Variants in ASPHD2 observed in about 807,000 individuals in gnomAD.
ASPHD2 encodes aspartate beta-hydroxylase domain-containing protein 2.
ASPHD2 carries 12 observed loss-of-function variants against 34.6 expected under a neutral mutation model. The ratio of observed to expected loss-of-function variants is 0.35; its 90% CI spans 0.22 to 0.56. The LOEUF (loss-of-function observed/expected upper bound fraction) is 0.56, where lower values mean the gene tolerates loss of function less well. Ranked by LOEUF, ASPHD2 falls within the 20% of genes least tolerant of loss-of-function variation. The pLI is 0.87. For synonymous variants in ASPHD2, 224 were observed against 212.2 expected, an observed-to-expected ratio of 1.06 and a Z score of -0.48; for missense variants, 375 against 505.0, an observed-to-expected ratio of 0.74 and a Z score of 2.47.
At chr22:26,434,741 G>A (rs2084780392) in intron 2 of ASPHD2, among the ~76,000 whole-genome samples, 1 of 152,220 alleles carries the variant, frequency 6.6e-6, no homozygotes, top group East Asian at 1.9e-4. Flanking sequence ...TTTCTGCAGT[G>A]ACAGAAATGT....
chr22:26,437,778 C>T (rs2084801260), intron 2 of ASPHD2, among the ~76,000 whole-genome samples: 1 of 152,134 alleles, frequency 6.6e-6, no homozygotes, highest in Non-Finnish European at 1.5e-5. Context: ...AAGTGGGGGC[C>T]ACTGGTGGAC....
chr22:26,433,584 C>T lies in ASPHD2; in HGVS notation c.-32C>T. 3 of 1,560,628 alleles carry T rather than the reference C, an allele frequency of 1.9e-6. No homozygotes were observed. Among genetic ancestry groups the T allele is most frequent in the Non-Finnish European group, 2.6e-6 (3 of 1,151,420 alleles). ...GGTGGCAGCCATGCCTCCCCCTGCC[C>T]CAGCCGCTCCTTCCCCCCCACGCTA... On this transcript the variant is annotated 5_prime_UTR_variant, in exon 2 of 4. Coordinates refer to ENST00000215906, the MANE Select transcript of ASPHD2 (RefSeq NM_020437.5). This position sits in a 1 kb window ranked among gnomAD's most constrained non-coding sequence, Gnocchi z 5.1.
In ASPHD2 at chr22:26,434,015, G is replaced by T; in HGVS notation, c.400G>T (p.Ala134Ser). The change falls in exon 2 of 4, where the codon GCC (alanine) becomes TCC (serine). Residue 134 changes from alanine (A) to serine (S), a missense_variant. Physicochemically the swap from Ala to Ser is moderately conservative, Grantham distance 99. Around this residue, in one of 3 missense-constraint regions of ASPHD2, gnomAD observed 223 missense variants for 257.8 expected, o/e 0.87. Coordinates refer to ENST00000215906, the MANE Select transcript of ASPHD2 (RefSeq NM_020437.5). ...QKLYHNLQEY[A>S]KRYSWSGMGR... ...GCTGTACCACAACCTGCAGGAGTAC[G>T]CCAAGCGCTACTCCTGGTCCGGCAT... 6.2e-7 allele frequency: 1 copy of T among 1,613,392 alleles called. No individual in the cohort carries two copies. Among genetic ancestry groups the T allele is most frequent in the South Asian group, 1.1e-5 (1 of 91,082 alleles).
chr22:26,438,590 TATATACAC>T (rs2084813571), intron 2 of ASPHD2, among the ~76,000 whole-genome samples: 1 of 142,218 alleles, frequency 7.0e-6, no homozygotes, highest in Non-Finnish European at 1.5e-5. Flanking sequence ...TACATACATA[TATATACAC>T]ACATATATAC....
chr22:26,430,323 G>A (rs527924451), intron 1 of ASPHD2, among the ~76,000 whole-genome samples: 63 of 152,368 alleles, frequency 4.1e-4, no homozygotes, highest in Non-Finnish European at 8.1e-4. Context: ...TCTCCCAGGT[G>A]TTCATGGTGT....
chr22:26,443,230 G>C lies in ASPHD2; in HGVS notation c.*24G>C, dbSNP rs2084868927. The C allele has an allele frequency of 6.2e-7, 1 of 1,601,004 alleles. No individual in the cohort carries two copies. Among genetic ancestry groups the C allele is most frequent in the Non-Finnish European group, 8.6e-7 (1 of 1,168,134 alleles). The stretch of plus-strand genomic sequence containing the variant: ...GAGAGTATTTCCCATGCTGGAGTCG[G>C]CGAGAAGGGCCGAGGCGGGGCCTGG... On this transcript the variant is annotated 3_prime_UTR_variant, in exon 4 of 4. Coordinates refer to ENST00000215906, the MANE Select transcript of ASPHD2 (RefSeq NM_020437.5).
intron 2 of ASPHD2, among the ~76,000 whole-genome samples, chr22:26,439,387 C>T (rs930773228): frequency 2.6e-5 from 4 of 151,986 alleles, no homozygotes; most frequent in Admixed American, 6.6e-5. Context: ...CGACAGAGCA[C>T]GATTCTGTCT....
At chr22:26,437,409 T>G (rs2084799170) in intron 2 of ASPHD2, among the ~76,000 whole-genome samples, 1 of 152,228 alleles carries the variant, frequency 6.6e-6, no homozygotes, top group African/African-American at 2.4e-5. Context: ...TGCTGAGCCC[T>G]GCTGTGAGCT....
In ASPHD2 at chr22:26,438,476, T is replaced by TATACACAC. The variant is rs1485620267; in HGVS notation, c.887-3978_887-3977insCACATACA. 1.6e-3 allele frequency among the ~76,000 whole-genome samples: 173 copies of TATACACAC among 108,242 alleles called. 1 individual carries two copies. Among genetic ancestry groups the TATACACAC allele is most frequent in the Non-Finnish European group, 2.6e-3 (125 of 48,126 alleles). The allele number at this position is 108,242 out of a possible 152,430, so 71.0% of individuals were successfully genotyped here. ...ACATATATATACACACACACATATA[T>TATACACAC]ATACATATATATAGATACACACATA... On this transcript the variant is annotated intron_variant, in intron 2 of 3. Coordinates refer to ENST00000215906, the MANE Select transcript of ASPHD2 (RefSeq NM_020437.5).
intron 2 of ASPHD2, among the ~76,000 whole-genome samples, chr22:26,439,330 C>T (rs1427591778): frequency 6.6e-6 from 1 of 152,130 alleles, no homozygotes. Context: ...ACCCAAGAGG[C>T]AGAGGCTGCA....
Position 26,433,021 on chromosome 22 carries a change from C to A in ASPHD2, c.-224-371C>A, listed in dbSNP as rs1348252773. 6.6e-6 allele frequency among the ~76,000 whole-genome samples: 1 copy of A among 152,200 alleles called. No individual in the cohort carries two copies. Reference sequence around the variant, plus strand: ...ATTAAATACCTATGATGAAATAGCACAGCAAAATGGGTAGACATGGGCCTT... The same window carrying A: ...ATTAAATACCTATGATGAAATAGCAAAGCAAAATGGGTAGACATGGGCCTT... On this transcript the variant is annotated intron_variant, in intron 1 of 3. Coordinates refer to ENST00000215906, the MANE Select transcript of ASPHD2 (RefSeq NM_020437.5). This position sits in a 1 kb window ranked among gnomAD's most constrained non-coding sequence, Gnocchi z 5.1.
chr22:26,433,966 C>T lies in ASPHD2; in HGVS notation c.351C>T (p.Thr117=), dbSNP rs777950420. 1.1e-5 allele frequency: 17 copies of T among 1,613,368 alleles called. No homozygotes were observed. The highest frequency in any genetic ancestry group is 6.7e-5 in the African/African-American group (5 of 74,946). ...AGTCCCCTGAGTGCGTGCGCTGCAC[C>T]CACAACGAGGGCCTCAACCAGAAGC... is the stretch of plus-strand genomic sequence containing the variant. ...YCQSPECVRC[T]HNEGLNQKLY... The change falls in exon 2 of 4, where the codon ACC becomes ACT. Residue 117 remains threonine, a synonymous_variant. Coordinates refer to ENST00000215906, the MANE Select transcript of ASPHD2 (RefSeq NM_020437.5). This position sits in a 1 kb window ranked among gnomAD's most constrained non-coding sequence, Gnocchi z 5.1.
intron 2 of ASPHD2, among the ~76,000 whole-genome samples, chr22:26,438,024 GGA>G (rs1367889243): frequency 1.3e-5 from 2 of 152,172 alleles, no homozygotes; most frequent in Non-Finnish European, 2.9e-5. Flanking sequence ...AAGGGGAGGC[GGA>G]GAACAAGAAG....
chr22:26,442,395 CT>C (rs1236146577), intron 2 of ASPHD2, 63 bp from the exon 3 acceptor site: 8 of 1,258,966 alleles, frequency 6.4e-6, no homozygotes, highest in Non-Finnish European at 8.9e-6. Flanking sequence ...AAATCACCCC[CT>C]ATCTCCTGGC....
intron 2 of ASPHD2, among the ~76,000 whole-genome samples, chr22:26,441,582 G>C (rs1454925078): frequency 6.6e-6 from 1 of 151,492 alleles, no homozygotes; most frequent in East Asian, 1.9e-4. Flanking sequence ...TTGAGGTCAG[G>C]AGTTCGAGAT....
chr22:26,443,741 A>C lies in ASPHD2; in HGVS notation c.*535A>C, dbSNP rs904739027. 6.6e-6 allele frequency: 1 copy of C among 152,136 alleles called. No homozygotes were observed. The highest frequency in any genetic ancestry group is 1.5e-5 in the Non-Finnish European group (1 of 68,214). 9.4% of individuals were successfully genotyped at this position (152,136 alleles called of 1,614,324 possible). A position where few individuals can be genotyped will look rare whatever the true frequency, so the allele number is the denominator to read the frequency against. On this transcript the variant is annotated 3_prime_UTR_variant, in exon 4 of 4. Transcript: ENST00000215906. The stretch of plus-strand genomic sequence containing the variant: ...CAGGGGGACAGTCTGCAGCCCCCAC[A>C]CCTGACTGGCTTCAGTAGCCAGGTG...
At chr22:26,436,731 G>C (rs1219792283) in intron 2 of ASPHD2, among the ~76,000 whole-genome samples, 2 of 152,230 alleles carry the variant, frequency 1.3e-5, no homozygotes, top group Non-Finnish European at 2.9e-5. Flanking sequence ...TTTGAGGACT[G>C]ATGTGGTAGA....
At chr22:26,436,014 C>T (rs1279517808) in intron 2 of ASPHD2, among the ~76,000 whole-genome samples, 1 of 152,160 alleles carries the variant, frequency 6.6e-6, no homozygotes, top group African/African-American at 2.4e-5. Context: ...ATTCCTGGCA[C>T]GTGACAGCAT....
Position 26,433,297 on chromosome 22 carries a change from C to T in ASPHD2, c.-224-95C>T. The T allele has an allele frequency of 2.7e-6, 1 of 371,992 alleles. No homozygotes were observed. Among genetic ancestry groups the T allele is most frequent in the Non-Finnish European group, 4.9e-6 (1 of 203,128 alleles). The allele number at this position is 371,992 out of a possible 1,614,324, so 23.0% of individuals were successfully genotyped here. Reference sequence around the variant, plus strand: ...CAAGATTGCAAAGTGTGACCCCCACCAACTAGGATCCTACAGAACGATCTA... The same window carrying T: ...CAAGATTGCAAAGTGTGACCCCCACTAACTAGGATCCTACAGAACGATCTA... On this transcript the variant is annotated intron_variant, in intron 1 of 3. Coordinates refer to ENST00000215906, the MANE Select transcript of ASPHD2 (RefSeq NM_020437.5). This position sits in a 1 kb window ranked among gnomAD's most constrained non-coding sequence, Gnocchi z 5.1.
Sources: allele counts gnomAD v4.1 joint callset (sites outside exome capture counted in the v4.1 genomes callset), GRCh38; gene constraint gnomAD v4.1.1; regional missense constraint gnomAD v4.1.1; non-coding constraint Gnocchi (gnomAD v3.1); transcripts MANE v1.5; gene names NCBI Gene and HGNC (gene_info 2026-07-23, HGNC 2026-07-21).